Variants in PIK3C2G observed in about 807,000 individuals in gnomAD.
PIK3C2G encodes phosphatidylinositol 3-kinase C2 domain-containing subunit gamma.
A neutral mutation model predicts 181.1 loss-of-function variants in PIK3C2G; 168 were observed. The observed-to-expected ratio is 0.93, with a 90% CI of 0.82 to 1.05. The LOEUF (loss-of-function observed/expected upper bound fraction) is 1.05. PIK3C2G is among the 50% of genes least tolerant of loss of function. The probability of loss-of-function intolerance (pLI) is 0.00; values close to 1 mark genes in which losing one functional copy is unlikely to be tolerated. For missense variants in PIK3C2G, 1,869 were observed against 1,732.8 expected (o/e 1.08, Z -1.40); for synonymous variants, 573 against 592.2 (o/e 0.97, Z 0.47).
chr12:18,476,773 T>C (rs59257832), intron 18 of PIK3C2G, among the ~76,000 whole-genome samples: 5,858 of 151,938 alleles, frequency 0.039, 345 homozygotes, highest in African/African-American at 0.12. Flanking sequence ...GAAGCAGGTA[T>C]TGGGGAGAAT....
intron 13 of PIK3C2G, among the ~76,000 whole-genome samples, chr12:18,374,028 C>T (rs1046088034): frequency 6.6e-6 from 1 of 152,058 alleles, no homozygotes; most frequent in Non-Finnish European, 1.5e-5. Flanking sequence ...TATTCAAGTT[C>T]AAAATTAATA....
chr12:18,656,664 G>A, the PIK3C2G span, among the ~76,000 whole-genome samples: 1 of 152,166 alleles, frequency 6.6e-6, no homozygotes, highest in Non-Finnish European at 1.5e-5. Context: ...TGAGGCAGGA[G>A]TTCAAGTTAG....
chr12:18,668,491 C>T, the PIK3C2G span, among the ~76,000 whole-genome samples: 1 of 152,178 alleles, frequency 6.6e-6, no homozygotes, highest in Non-Finnish European at 1.5e-5. Context: ...GACCACTAAC[C>T]TGCCTGCCGT....
intron 1 of PIK3C2G, among the ~76,000 whole-genome samples, chr12:18,276,612 CAAATA>C (rs1948997719): frequency 6.6e-6 from 1 of 152,082 alleles, no homozygotes; most frequent in Non-Finnish European, 1.5e-5. Context: ...TAAAATCCTA[CAAATA>C]AAATGGAGCC....
intron 29 of PIK3C2G, among the ~76,000 whole-genome samples, chr12:18,586,789 C>T (rs1946805640): frequency 6.6e-6 from 1 of 151,898 alleles, no homozygotes; most frequent in African/African-American, 2.4e-5. Context: ...GCCAAAATAA[C>T]ATTGATTCAA....
rs370576053 is a variant in PIK3C2G, at chr12:18,592,680, T to C, written c.4012-1814T>C. The stretch of plus-strand genomic sequence containing the variant: ...TTGCAAGGGGCATTAATGACAAAAT[T>C]CGATTTATGTGTGAGTATATTTTGG... On this transcript the variant is annotated intron_variant, in intron 29 of 32. Coordinates refer to ENST00000538779, the MANE Select transcript of PIK3C2G (RefSeq NM_001288772.2). Among the ~76,000 whole-genome samples, 11 of 151,850 alleles carry C rather than the reference T, an allele frequency of 7.2e-5. No homozygotes were observed. The East Asian group carries it at 1.9e-3, about 27-fold the overall frequency.
At chr12:18,448,524 G>T (rs1221280830) in intron 18 of PIK3C2G, among the ~76,000 whole-genome samples, 2 of 152,026 alleles carry the variant, frequency 1.3e-5, no homozygotes, top group Non-Finnish European at 1.5e-5. Context: ...CTGCATCTCT[G>T]TTCCCTTTAC....
intron 6 of PIK3C2G, among the ~76,000 whole-genome samples, chr12:18,318,922 C>T (rs1950986593): frequency 6.6e-6 from 1 of 151,884 alleles, no homozygotes; most frequent in Admixed American, 6.6e-5. Flanking sequence ...TAGTGAAACC[C>T]CATCTATACA....
chr12:18,711,675 G>C, the PIK3C2G span, among the ~76,000 whole-genome samples: 2,856 of 151,968 alleles, frequency 0.019, 82 homozygotes, highest in African/African-American at 0.065. Context: ...TGTCATTGAT[G>C]AGATGGGGAA....
At chr12:18,362,165 T>G (rs1367034893) in intron 11 of PIK3C2G, among the ~76,000 whole-genome samples, 1 of 152,130 alleles carries the variant, frequency 6.6e-6, no homozygotes, top group Non-Finnish European at 1.5e-5. Context: ...AATCATTCTA[T>G]GCTGAGTTGT....
chr12:18,540,302 G>A (rs1270677156), intron 25 of PIK3C2G, among the ~76,000 whole-genome samples: 1 of 151,808 alleles, frequency 6.6e-6, no homozygotes, highest in East Asian at 1.9e-4. Context: ...GTGAGGAATA[G>A]TACCCAATTT....
At chr12:18,278,901 TG>T (rs1271008259) in intron 1 of PIK3C2G, among the ~76,000 whole-genome samples, 1 of 152,094 alleles carries the variant, frequency 6.6e-6, no homozygotes, top group Non-Finnish European at 1.5e-5. Context: ...TGGAAGAGGT[TG>T]TGTTTTTATT....
intron 1 of PIK3C2G, among the ~76,000 whole-genome samples, chr12:18,262,925 G>T (rs2137004501): frequency 6.6e-6 from 1 of 152,252 alleles, no homozygotes; most frequent in African/African-American, 2.4e-5. Flanking sequence ...ATGATCTGAT[G>T]AAATGTTATA....
chr12:18,566,305 G>C (rs1321452583), intron 28 of PIK3C2G, among the ~76,000 whole-genome samples: 1 of 152,140 alleles, frequency 6.6e-6, no homozygotes, highest in Non-Finnish European at 1.5e-5. Flanking sequence ...GGAGTCAGAG[G>C]AGGCTGCTAG....
intron 6 of PIK3C2G, among the ~76,000 whole-genome samples, chr12:18,316,654 C>T (rs909476346): frequency 6.6e-6 from 1 of 151,884 alleles, no homozygotes; most frequent in East Asian, 1.9e-4. Flanking sequence ...TACTTGAACC[C>T]GAGAGGCAGC....
chr12:18,715,411 T>G, the PIK3C2G span, among the ~76,000 whole-genome samples: 7 of 150,026 alleles, frequency 4.7e-5, no homozygotes, highest in African/African-American at 1.5e-4. Context: ...TTTTTTTTTG[T>G]TTTTTTTAGA....
At chr12:18,502,067 G>A (rs577745574) in intron 22 of PIK3C2G, among the ~76,000 whole-genome samples, 29 of 152,236 alleles carry the variant, frequency 1.9e-4, no homozygotes, top group Non-Finnish European at 3.1e-4. Context: ...AGAAAACCTG[G>A]GCAACAGCCA....
the PIK3C2G span, chr12:18,692,819 G>A: frequency 5.8e-6 from 9 of 1,554,708 alleles, no homozygotes; most frequent in Non-Finnish European, 8.0e-6. Flanking sequence ...AGGATGACAA[G>A]CTCTAACAAC....
chr12:18,717,397 T>C, the PIK3C2G span, among the ~76,000 whole-genome samples: 2 of 152,214 alleles, frequency 1.3e-5, no homozygotes, highest in Non-Finnish European at 2.9e-5. Context: ...TATTTACTTG[T>C]ATGTTTGATA....
Sources: gnomAD v4.1 joint callset for allele counts (sites outside exome capture counted in the v4.1 genomes callset) on GRCh38, gnomAD v4.1.1 for gene constraint, MANE v1.5 for transcripts, NCBI Gene and HGNC (gene_info 2026-07-23, HGNC 2026-07-21) for gene names.